The following ZSCAN5A variants were observed in gnomAD, a reference collection of about 807,000 sequenced individuals.
ZSCAN5A encodes the protein zinc finger and SCAN domain-containing protein 5A.
ZSCAN5A carries 12 observed loss-of-function variants against 23.7 expected under a neutral mutation model. The observed-to-expected ratio is 0.51, with a 90% CI of 0.32 to 0.82. The LOEUF (loss-of-function observed/expected upper bound fraction) is 0.82. Ranked by LOEUF, ZSCAN5A falls within the 40% of genes least tolerant of loss-of-function variation. ZSCAN5A has a pLI of 0.03. For missense variants in ZSCAN5A, 597 were observed against 617.9 expected (o/e 0.97, Z 0.36); for synonymous variants, 257 against 239.9 (o/e 1.07, Z -0.66).
intron 2 of ZSCAN5A, among the ~76,000 whole-genome samples, chr19:56,240,199 C>T (rs1038768916): frequency 2.7e-5 from 4 of 149,044 alleles, no homozygotes; most frequent in African/African-American, 5.1e-5. Context: ...CCCATAAAAC[C>T]AAACAAAAAA....
At chr19:56,320,241 C>A in intron 2 of ZSCAN5A, 1 of 541,088 alleles carries the variant, frequency 1.8e-6, no homozygotes, top group South Asian at 1.7e-5. Context: ...TTCAACAATC[C>A]TGAGTAGGGC....
Position 56,223,842 on chromosome 19 carries a change from G to C in ZSCAN5A, c.385-8C>G, listed in dbSNP as rs770292811. The C allele has an allele frequency of 5.0e-6, 8 of 1,606,898 alleles. No homozygotes were observed. The South Asian group carries it at 7.7e-5, about 15-fold the overall frequency. ...GTGGAAGGTGACCACAGACTGTAGA[G>C]AGAAAAAAGACAATCAGACTCACCA... is the stretch of plus-strand genomic sequence containing the variant. On this transcript the variant is annotated splice_polypyrimidine_tract_variant and splice_region_variant and intron_variant, in intron 3 of 5. Coordinates refer to ENST00000683990, the MANE Select transcript of ZSCAN5A (RefSeq NM_001322064.3).
In ZSCAN5A at chr19:56,345,454, A is replaced by T. The variant is rs2041625463; in HGVS notation, c.-358+17781T>A. 3.9e-5 allele frequency among the ~76,000 whole-genome samples: 6 copies of T among 152,276 alleles called. No individual in the cohort carries two copies. In the South Asian group the frequency reaches 1.2e-3, roughly 32 times the overall value. On this transcript the variant is annotated intron_variant, in intron 2 of 6. Transcript: ENST00000587340. ...CAGATTCTTGGTAACCTGTTTCACA[A>T]CTCTAGGCAGTTGTCAGTGAAATAG...
intron 2 of ZSCAN5A, among the ~76,000 whole-genome samples, chr19:56,349,896 A>G (rs532590638): frequency 4.5e-4 from 68 of 152,288 alleles, no homozygotes; most frequent in African/African-American, 1.6e-3. Flanking sequence ...GCATATTTGC[A>G]GAGAGATTTA....
intron 2 of ZSCAN5A, chr19:56,247,405 A>G: frequency 2.6e-5 from 5 of 188,974 alleles, no homozygotes; most frequent in Admixed American, 1.1e-4. Context: ...TAAATGTCCC[A>G]AGTGTCTAAG....
At chr19:56,226,468 G>A (rs2033947692) in intron 2 of ZSCAN5A, among the ~76,000 whole-genome samples, 3 of 152,194 alleles carry the variant, frequency 2.0e-5, no homozygotes, top group South Asian at 4.1e-4. Context: ...CTAGGAAAAG[G>A]TGCTCATTAT....
chr19:56,321,363 G>C (rs2041373809), intron 2 of ZSCAN5A: 2 of 641,696 alleles, frequency 3.1e-6, no homozygotes, highest in East Asian at 2.8e-5. Context: ...TCACAATGTG[G>C]ACACCAGCAG....
chr19:56,342,960 T>C (rs1407016625), intron 2 of ZSCAN5A: 5 of 962,788 alleles, frequency 5.2e-6, no homozygotes, highest in Non-Finnish European at 8.5e-6. Flanking sequence ...TTCTTGCCCA[T>C]TTTCAAAAAT....
intron 2 of ZSCAN5A, chr19:56,243,921 C>T: frequency 1.8e-6 from 1 of 543,308 alleles, no homozygotes; most frequent in Non-Finnish European, 3.3e-6. Flanking sequence ...TTTTTGCAGA[C>T]TTCTGAACAG....
chr19:56,226,565 C>T (rs374369343), intron 2 of ZSCAN5A, among the ~76,000 whole-genome samples: 19 of 152,060 alleles, frequency 1.2e-4, no homozygotes, highest in Admixed American at 6.6e-5. Context: ...ACACATGGAA[C>T]GAGTGTTGGT....
In ZSCAN5A at chr19:56,222,175, G is replaced by A. The variant is rs554150542; in HGVS notation, c.891C>T (p.Pro297=). Residue 297 remains proline, a synonymous_variant, in exon 6 of 6, where the codon CCC becomes CCT. Coordinates refer to ENST00000683990, the MANE Select transcript of ZSCAN5A (RefSeq NM_001322064.3). The part of the protein sequence containing the change: ...NRGDALNLSS[P]KRSKPDASSI... Reference sequence around the variant, plus strand: ...AGGAGGCATCTGGTTTGCTTCTTTTGGGACTGCTCAGATTCAGAGCGTCTC... The same window carrying A: ...AGGAGGCATCTGGTTTGCTTCTTTTAGGACTGCTCAGATTCAGAGCGTCTC... The A allele has an allele frequency of 3.7e-5, 59 of 1,613,972 alleles. 1 individual carries two copies. Among genetic ancestry groups the A allele is most frequent in the African/African-American group, 3.3e-4 (25 of 74,968 alleles).
chr19:56,297,455 T>C (rs1288746424), intron 2 of ZSCAN5A: 2 of 848,598 alleles, frequency 2.4e-6, no homozygotes, highest in Admixed American at 6.3e-5. Context: ...TCCTTTCCTC[T>C]TCCTCCTTCT....
chr19:56,307,671 G>A (rs560086702), intron 2 of ZSCAN5A, among the ~76,000 whole-genome samples: 1 of 152,298 alleles, frequency 6.6e-6, no homozygotes, highest in Admixed American at 6.5e-5. Flanking sequence ...CTAATAGTTT[G>A]CCTTGTGAAG....
intron 2 of ZSCAN5A, among the ~76,000 whole-genome samples, chr19:56,307,296 G>A (rs887379850): frequency 1.1e-4 from 16 of 152,040 alleles, no homozygotes; most frequent in Admixed American, 9.2e-4. Context: ...TCGATCATAC[G>A]ATATACCCCC....
At chr19:56,262,420 T>G (rs553426354) in intron 2 of ZSCAN5A, among the ~76,000 whole-genome samples, 18 of 151,878 alleles carry the variant, frequency 1.2e-4, no homozygotes, top group Non-Finnish European at 2.4e-4. Flanking sequence ...TTTTTTTTTT[T>G]TTGTTTTTTT....
intron 2 of ZSCAN5A, among the ~76,000 whole-genome samples, chr19:56,249,276 C>T (rs2036176423): frequency 6.6e-6 from 1 of 152,058 alleles, no homozygotes; most frequent in Admixed American, 6.6e-5. Flanking sequence ...AAATAGACTT[C>T]ATTTTATTTT....
chr19:56,272,803 G>C (rs1286889200), intron 2 of ZSCAN5A: 1 of 916,690 alleles, frequency 1.1e-6, no homozygotes, highest in Non-Finnish European at 1.3e-6. Flanking sequence ...TATCCTAGGA[G>C]GAGAACATTC....
At chr19:56,245,828 A>G (rs371332090) in intron 2 of ZSCAN5A, among the ~76,000 whole-genome samples, 1 of 152,260 alleles carries the variant, frequency 6.6e-6, no homozygotes, top group East Asian at 1.9e-4. Flanking sequence ...TTTGCCTTTC[A>G]GGACACATGG....
Position 56,222,511 on chromosome 19 carries a change from G to A in ZSCAN5A, c.739+80C>T, listed in dbSNP as rs374400679. On this transcript the variant is annotated intron_variant, in intron 5 of 5. Coordinates refer to ENST00000683990, the MANE Select transcript of ZSCAN5A (RefSeq NM_001322064.3). ...GACAGCTGAGTGCCAACTCCCCCAG[G>A]GGATGATAATGCTGGGCCCCCAGCC... is the stretch of plus-strand genomic sequence containing the variant. The A allele has an allele frequency of 1.7e-5, 26 of 1,569,082 alleles. No homozygotes were observed. The African/African-American group carries it at 2.6e-4, about 16-fold the overall frequency.
Sources: gnomAD v4.1 joint callset for allele counts (sites outside exome capture counted in the v4.1 genomes callset) on GRCh38, gnomAD v4.1.1 for gene constraint, MANE v1.5 for transcripts, NCBI Gene and HGNC (gene_info 2026-07-23, HGNC 2026-07-21) for gene names.